The following HIGD2B variants were observed in gnomAD, a reference collection of about 807,000 sequenced individuals.
The protein encoded by HIGD2B is HIG1 domain family member 2B.
For missense variants in HIGD2B, 106 were observed against 67.0 expected (o/e 1.58, Z -2.03); for synonymous variants, 45 against 28.1 (o/e 1.60, Z -1.90).
chr15:72,682,390 A>C (rs2064758711), intron 1 of HIGD2B: 1 of 220,810 alleles, frequency 4.5e-6, no homozygotes, highest in Non-Finnish European at 9.5e-6. Context: ...GATATGAAGG[A>C]CATTATTATA....
At chr15:72,685,789 T>C (rs1475037148) in intron 1 of HIGD2B, 29 bp downstream of exon 1, 3 of 293,774 alleles carry the variant, frequency 1.0e-5, no homozygotes, top group African/African-American at 2.2e-5. Flanking sequence ...AGTTCGATAG[T>C]GACAGCCAAG....
intron 1 of HIGD2B, among the ~76,000 whole-genome samples, chr15:72,680,851 C>T (rs2064741705): frequency 6.6e-6 from 1 of 151,996 alleles, no homozygotes; most frequent in Non-Finnish European, 1.5e-5. Flanking sequence ...ATCGTGCACT[C>T]CAGCCTGGGT....
chr15:72,683,301 G>A (rs533394641), intron 1 of HIGD2B, among the ~76,000 whole-genome samples: 1 of 152,304 alleles, frequency 6.6e-6, no homozygotes, highest in East Asian at 1.9e-4. Context: ...GAACTAAAGG[G>A]TAACTGAAGA....
intron 2 of HIGD2B, among the ~76,000 whole-genome samples, chr15:72,676,588 T>A (rs1358502854): frequency 6.6e-6 from 1 of 152,038 alleles, no homozygotes; most frequent in Non-Finnish European, 1.5e-5. Context: ...TTTTCATATT[T>A]GTATTTTTAG....
chr15:72,684,959 AT>A (rs2064797110), intron 1 of HIGD2B, among the ~76,000 whole-genome samples: 1 of 152,054 alleles, frequency 6.6e-6, no homozygotes, highest in South Asian at 2.1e-4. Flanking sequence ...AATTTTTTGT[AT>A]TTTTAGTAGA....
chr15:72,683,508 G>A (rs1023401013), intron 1 of HIGD2B, among the ~76,000 whole-genome samples: 6 of 144,742 alleles, frequency 4.1e-5, no homozygotes, highest in Middle Eastern at 3.6e-3. Flanking sequence ...TAGTAACCCC[G>A]CCCATGAAGA....
chr15:72,676,856 G>A (rs1009802126), intron 2 of HIGD2B, among the ~76,000 whole-genome samples: 3 of 152,176 alleles, frequency 2.0e-5, no homozygotes, highest in Non-Finnish European at 4.4e-5. Context: ...GGTAATGACA[G>A]GGAGGCTTAT....
intron 1 of HIGD2B, among the ~76,000 whole-genome samples, chr15:72,681,203 C>T (rs2064746088): frequency 1.3e-5 from 2 of 152,094 alleles, no homozygotes; most frequent in South Asian, 2.1e-4. Flanking sequence ...ACTTCTTCTT[C>T]CCTGTGACTA....
intron 2 of HIGD2B, among the ~76,000 whole-genome samples, chr15:72,678,594 G>A (rs1001514468): frequency 6.6e-6 from 1 of 152,130 alleles, no homozygotes; most frequent in South Asian, 2.1e-4. Context: ...GAGCCACTAC[G>A]CCTAGCCCTA....
At chr15:72,676,731 T>C (rs1483171975) in intron 2 of HIGD2B, among the ~76,000 whole-genome samples, 1 of 152,180 alleles carries the variant, frequency 6.6e-6, no homozygotes, top group East Asian at 1.9e-4. Context: ...TTTTATATAA[T>C]GTTATTTGAT....
At chr15:72,679,028 A>AAAGG (rs59157427) in intron 2 of HIGD2B, among the ~76,000 whole-genome samples, 6 of 148,160 alleles carry the variant, frequency 4.0e-5, no homozygotes, top group African/African-American at 1.5e-4. Context: ...AAGAAAAAGA[A>AAAGG]AAGGAAGGAA....
At chr15:72,684,881 T>A (rs2150981294) in intron 1 of HIGD2B, among the ~76,000 whole-genome samples, 1 of 152,228 alleles carries the variant, frequency 6.6e-6, no homozygotes, top group South Asian at 2.1e-4. Flanking sequence ...CCGCTTGGGT[T>A]CAAGTGATTC....
chr15:72,677,351 C>T (rs982663436), intron 2 of HIGD2B, among the ~76,000 whole-genome samples: 2 of 152,132 alleles, frequency 1.3e-5, no homozygotes, highest in African/African-American at 4.8e-5. Flanking sequence ...GCTTGAACCC[C>T]GGAGGCGGAG....
rs759018338 is a variant in HIGD2B, at chr15:72,676,226, G to C, written c.149C>G (p.Pro50Arg). ...LRKTRENPVV[P>R]IGFLCTAAVL... Reference sequence around the variant, plus strand: ...GGCCGCCGTGCACAGGAAACCTATGGGTACCACCGGATTCTCGCGGGTCTT... The same window carrying C: ...GGCCGCCGTGCACAGGAAACCTATGCGTACCACCGGATTCTCGCGGGTCTT... The change falls in exon 3 of 3, where the codon CCC becomes CGC. Residue 50 changes from proline to arginine, a missense_variant. By Grantham distance (103) the Pro-to-Arg change is moderately radical (BLOSUM62 -2). Coordinates refer to ENST00000311755, the MANE Select transcript of HIGD2B (RefSeq NM_001350932.3). The C allele has an allele frequency of 1.3e-6, 1 of 766,694 alleles. No individual in the cohort carries two copies. Among genetic ancestry groups the C allele is most frequent in the South Asian group, 1.3e-5 (1 of 74,164 alleles). 47.5% of individuals were successfully genotyped at this position (766,694 alleles called of 1,614,324 possible). A position where few individuals can be genotyped will look rare whatever the true frequency, so the allele number is the denominator to read the frequency against.
At chr15:72,677,654 C>G (rs2064706674) in intron 2 of HIGD2B, among the ~76,000 whole-genome samples, 1 of 151,098 alleles carries the variant, frequency 6.6e-6, no homozygotes, top group African/African-American at 2.4e-5. Flanking sequence ...CTCAACTACT[C>G]AAGAGGCTGA....
At position 72,686,042 on chromosome 15, in the gene HIGD2B, C is replaced by A; in HGVS notation, c.-417G>T. 1 of 684,282 alleles carries A rather than the reference C, an allele frequency of 1.5e-6. No individual in the cohort carries two copies. The allele number at this position is 684,282 out of a possible 1,614,324, so 42.4% of individuals were successfully genotyped here. ...CAGCGAGTGGCTGCGCATTCCCTCCCCGACTCTTTCAGAGGTAAGCCTTCT... is the reference window on the plus strand; with the variant it reads ...CAGCGAGTGGCTGCGCATTCCCTCCACGACTCTTTCAGAGGTAAGCCTTCT... On this transcript the variant is annotated 5_prime_UTR_variant, in exon 1 of 3. Transcript: ENST00000311755.
At chr15:72,683,515 A>T (rs1312495240) in intron 1 of HIGD2B, among the ~76,000 whole-genome samples, 1 of 151,234 alleles carries the variant, frequency 6.6e-6, no homozygotes, top group Non-Finnish European at 1.5e-5. Context: ...CCCGCCCATG[A>T]AGAGGACTGG....
intron 2 of HIGD2B, among the ~76,000 whole-genome samples, chr15:72,679,441 A>G (rs1286071333): frequency 6.6e-6 from 1 of 151,540 alleles, no homozygotes; most frequent in Non-Finnish European, 1.5e-5. Context: ...AAGGAAGGGA[A>G]GGAAGGAAGG....
Position 72,675,883 on chromosome 15 carries a change from G to T in HIGD2B, c.*171C>A. 1.7e-6 allele frequency: 1 copy of T among 579,938 alleles called. No individual in the cohort carries two copies. 35.9% of individuals were successfully genotyped at this position (579,938 alleles called of 1,614,324 possible). A position where few individuals can be genotyped will look rare whatever the true frequency, so the allele number is the denominator to read the frequency against. The stretch of plus-strand genomic sequence containing the variant: ...AGAAATATGTAACATTCAAACAACA[G>T]AATCTGGGATTTTTGAAAAAATCTT... On this transcript the variant is annotated 3_prime_UTR_variant, in exon 3 of 3. Transcript: ENST00000311755.
Sources: gnomAD v4.1 joint callset for allele counts (sites outside exome capture counted in the v4.1 genomes callset) on GRCh38, gnomAD v4.1.1 for gene constraint, MANE v1.5 for transcripts, NCBI Gene and HGNC (gene_info 2026-07-23, HGNC 2026-07-21) for gene names.